Variants in BMS1 observed in about 807,000 individuals in gnomAD.
The protein encoded by BMS1 is ribosome biogenesis protein BMS1 homolog.
In BMS1, 53 loss-of-function variants were observed where a neutral mutation model predicts 138.7. The observed-to-expected ratio is 0.38, with a 90% confidence interval of 0.31 to 0.48. The LOEUF is 0.48. BMS1 is among the 20% of genes least tolerant of loss of function. The pLI, the probability that BMS1 is intolerant of heterozygous loss-of-function variation, is 0.97. For missense variants in BMS1, 1,360 were observed against 1,565.5 expected, an observed-to-expected ratio of 0.87 and a Z score of 2.22; for synonymous variants, 504 against 539.9, an observed-to-expected ratio of 0.93 and a Z score of 0.92.
chr10:42,820,484 C>T (rs746582041), intron 16 of BMS1, 24 bp from the exon 17 acceptor site: 1 of 1,611,088 alleles, frequency 6.2e-7, no homozygotes, highest in African/African-American at 1.3e-5. Flanking sequence ...CTCCATCAAT[C>T]ATCTTACCCT....
rs768057576 is a variant in BMS1 at position 42,784,556 on chromosome 10, T to G, written c.162T>G (p.Ala54=). The G allele has an allele frequency of 2.5e-6, 4 of 1,612,160 alleles. No individual in the cohort carries two copies. Among genetic ancestry groups the G allele is most frequent in the East Asian group, 4.5e-5 (2 of 44,876 alleles). Residue 54 remains alanine, a synonymous_variant, in exon 2 of 23, where the codon GCT becomes GCG. Transcript: ENST00000374518. ...AFAVQSAVRM[A]RSFHRTQDLK... ...CAGTTCAGTCTGCTGTGCGGATGGC[T>G]CGATCCTTTCACAGGTATGTTAGGC...
At position 42,831,636 on chromosome 10, in the gene BMS1, C is replaced by T. The variant is rs1386263004; in HGVS notation, c.*540C>T. On this transcript the variant is annotated 3_prime_UTR_variant, in exon 23 of 23. Transcript: ENST00000374518. Reference sequence around the variant, plus strand: ...CTACTGTGCACCCAGGATCTATGGGCTCCTTTGATCACTGGCCCTTGTGGA... The same window carrying T: ...CTACTGTGCACCCAGGATCTATGGGTTCCTTTGATCACTGGCCCTTGTGGA... 1.3e-5 allele frequency: 2 copies of T among 154,924 alleles called. No homozygotes were observed. The allele number at this position is 154,924 out of a possible 1,614,324, so 9.6% of individuals were successfully genotyped here.
chr10:42,788,097 T>C (rs536507649), intron 4 of BMS1, among the ~76,000 whole-genome samples: 7 of 152,270 alleles, frequency 4.6e-5, no homozygotes, highest in African/African-American at 1.7e-4. Context: ...TCCTAAAATA[T>C]AAAGTAAAAA....
At chr10:42,816,825 G>A (rs1274594293) in intron 14 of BMS1, among the ~76,000 whole-genome samples, 153 bp downstream of exon 14, 3 of 152,172 alleles carry the variant, frequency 2.0e-5, no homozygotes, top group African/African-American at 7.2e-5. Context: ...CCAAAGAGAA[G>A]CTTTCTTGTT....
intron 21 of BMS1, among the ~76,000 whole-genome samples, chr10:42,825,243 G>A (rs904120231): frequency 2.0e-5 from 3 of 152,112 alleles, no homozygotes; most frequent in Non-Finnish European, 4.4e-5. Context: ...TCCTGACCTT[G>A]TGATCTGCCC....
In BMS1 at chr10:42,820,489, T is replaced by C; in HGVS notation, c.2770-19T>C. ...TGGATTTCCCCTCCATCAATCATCT[T>C]ACCCTCTCGTCCCCTCAGATGCGTC... On this transcript the variant is annotated intron_variant, in intron 16 of 22. Transcript: ENST00000374518. The C allele has an allele frequency of 1.2e-6, 2 of 1,611,510 alleles. No individual in the cohort carries two copies. Among genetic ancestry groups the C allele is most frequent in the South Asian group, 2.2e-5 (2 of 90,930 alleles).
chr10:42,809,237 A>G (rs1842098228), intron 13 of BMS1, among the ~76,000 whole-genome samples: 1 of 152,022 alleles, frequency 6.6e-6, no homozygotes, highest in South Asian at 2.1e-4. Flanking sequence ...TAAGTATTTG[A>G]TTTTGATTGA....
chr10:42,812,622 G>A (rs1842216746), intron 13 of BMS1, among the ~76,000 whole-genome samples: 1 of 152,204 alleles, frequency 6.6e-6, no homozygotes, highest in Non-Finnish European at 1.5e-5. Context: ...GGATGGATGA[G>A]ACTGACAGCA....
intron 6 of BMS1, 127 bp from the exon 7 acceptor site, chr10:42,792,366 T>C (rs561745417): frequency 1.5e-6 from 2 of 1,322,490 alleles, no homozygotes; most frequent in African/African-American, 3.0e-5. Flanking sequence ...GCCTCCTTAT[T>C]TCTGCATTTT....
intron 3 of BMS1, among the ~76,000 whole-genome samples, chr10:42,786,471 G>C (rs7089165): frequency 0.1 from 15,173 of 152,166 alleles, 904 homozygotes; most frequent in African/African-American, 0.14. Flanking sequence ...ACAGGCTGGA[G>C]TGCAGTGGTG....
At chr10:42,784,188 G>C (rs1371398780) in intron 1 of BMS1, among the ~76,000 whole-genome samples, 174 bp from the exon 2 acceptor site, 4 of 152,178 alleles carry the variant, frequency 2.6e-5, no homozygotes, top group Non-Finnish European at 5.9e-5. Context: ...CTAATTTATA[G>C]CATAACAGAG....
intron 7 of BMS1, 88 bp downstream of exon 7, chr10:42,792,702 C>G: frequency 6.5e-7 from 1 of 1,536,850 alleles, no homozygotes; most frequent in Non-Finnish European, 8.7e-7. Flanking sequence ...AATGACCAAA[C>G]AAGGGAAGAT....
chr10:42,788,890 C>T (rs1362349101), intron 4 of BMS1, among the ~76,000 whole-genome samples: 1 of 152,198 alleles, frequency 6.6e-6, no homozygotes, highest in Non-Finnish European at 1.5e-5. Flanking sequence ...ATTTTACACA[C>T]TGTTCTATGC....
intron 1 of BMS1, among the ~76,000 whole-genome samples, chr10:42,783,461 A>G (rs1295457154): frequency 1.3e-5 from 2 of 152,216 alleles, no homozygotes; most frequent in Non-Finnish European, 2.9e-5. Context: ...AGCTGTATCC[A>G]CTTACTGGCA....
intron 21 of BMS1, among the ~76,000 whole-genome samples, chr10:42,827,908 C>A (rs1291308217): frequency 1.3e-5 from 2 of 152,110 alleles, no homozygotes; most frequent in African/African-American, 4.8e-5. Flanking sequence ...CTATTTTTTT[C>A]CCCACCATAT....
chr10:42,802,113 T>G, intron 12 of BMS1, 24 bp from the exon 13 acceptor site: 1 of 1,588,636 alleles, frequency 6.3e-7, no homozygotes, highest in African/African-American at 1.3e-5. Context: ...ACACCTCACC[T>G]AAGTGCTGAC....
intron 2 of BMS1, among the ~76,000 whole-genome samples, chr10:42,785,099 TA>T (rs1036447007): frequency 8.5e-5 from 13 of 152,222 alleles, no homozygotes; most frequent in Admixed American, 4.6e-4. Flanking sequence ...GTAGGAGAGC[TA>T]AATGTAACTC....
At chr10:42,812,232 A>C (rs1399973479) in intron 13 of BMS1, among the ~76,000 whole-genome samples, 3 of 152,090 alleles carry the variant, frequency 2.0e-5, no homozygotes, top group African/African-American at 7.2e-5. Flanking sequence ...TGCAGCCTTG[A>C]CCTCCTAGGC....
intron 9 of BMS1, among the ~76,000 whole-genome samples, chr10:42,795,172 A>G (rs1013554349): frequency 6.6e-6 from 1 of 151,884 alleles, no homozygotes; most frequent in Admixed American, 6.6e-5. Context: ...ATTGTTGGAC[A>G]TTTGGGTTGG....
Sources: allele counts gnomAD v4.1 joint callset (sites outside exome capture counted in the v4.1 genomes callset), GRCh38; gene constraint gnomAD v4.1.1; transcripts MANE v1.5; gene names NCBI Gene and HGNC (gene_info 2026-07-23, HGNC 2026-07-21).